LRP2: variants seen among roughly 807,000 people sequenced by gnomAD.
LRP2 encodes the protein low-density lipoprotein receptor-related protein 2.
Under a neutral mutation model 531.0 loss-of-function variants are expected in LRP2, and 172 were observed. That is an observed-to-expected ratio of 0.32 (90% confidence interval 0.29 to 0.37). The LOEUF (loss-of-function observed/expected upper bound fraction) is 0.37, where lower values mean the gene tolerates loss of function less well. LRP2 is among the 10% of genes least tolerant of loss of function. The probability of loss-of-function intolerance (pLI) is 1.00; values close to 1 mark genes in which losing one functional copy is unlikely to be tolerated. For missense variants in LRP2, 5,167 were observed against 5,868.3 expected (o/e 0.88, Z 3.90); for synonymous variants, 1,992 against 2,027.6 (o/e 0.98, Z 0.47).
chr2:169,205,544 C>A lies in LRP2; in HGVS notation c.7650G>T (p.Leu2550=). The A allele has an allele frequency of 6.2e-7, 1 of 1,614,116 alleles. No homozygotes were observed. Among genetic ancestry groups the A allele is most frequent in the Non-Finnish European group, 8.5e-7 (1 of 1,179,992 alleles). The stretch of plus-strand genomic sequence containing the variant: ...CCAGAGTCAGCCCACTGGGCATGAC[C>A]AGACTGCTGTTCACAATGGGTACGC... ...NFRVPIVNSS[L]VMPSGLTLDY... Residue 2550 remains leucine, a synonymous_variant, in exon 41 of 79, where the codon CTG becomes CTT. Transcript: ENST00000649046.
chr2:169,234,332 T>A (rs1400360220), intron 29 of LRP2, among the ~76,000 whole-genome samples: 1 of 152,122 alleles, frequency 6.6e-6, no homozygotes, highest in Non-Finnish European at 1.5e-5. Flanking sequence ...GTGTGTGATG[T>A]TCCCCTCCCT....
intron 1 of LRP2, among the ~76,000 whole-genome samples, chr2:169,339,969 T>C (rs1337966385): frequency 2.6e-5 from 4 of 152,214 alleles, no homozygotes; most frequent in African/African-American, 9.6e-5. Flanking sequence ...GATACATCTA[T>C]ATGGTATGCA....
At chr2:169,259,896 C>T (rs1559043884) in intron 16 of LRP2, among the ~76,000 whole-genome samples, 1 of 151,966 alleles carries the variant, frequency 6.6e-6, no homozygotes, top group African/African-American at 2.4e-5. Flanking sequence ...TACTTTTTCT[C>T]TTCATTTATT....
chr2:169,242,578 C>T (rs1398002783), intron 24 of LRP2, among the ~76,000 whole-genome samples: 2 of 152,150 alleles, frequency 1.3e-5, no homozygotes, highest in African/African-American at 4.8e-5. Context: ...CATTTCTACA[C>T]CATGATATGA....
intron 10 of LRP2, among the ~76,000 whole-genome samples, chr2:169,281,589 G>A (rs962647843): frequency 6.6e-6 from 1 of 151,628 alleles, no homozygotes; most frequent in Non-Finnish European, 1.5e-5. Context: ...TGTGGTGGCA[G>A]AAGCCTGTAG....
Position 169,197,101 on chromosome 2 carries a change from C to T in LRP2, c.8579-71G>A. ...TGTTCCCATCAGTCTTAACAATCTGCCTCTATCTCTGAGCTAGATAATAGT... is the reference window on the plus strand; with the variant it reads ...TGTTCCCATCAGTCTTAACAATCTGTCTCTATCTCTGAGCTAGATAATAGT... On this transcript the variant is annotated intron_variant, in intron 45 of 78. Coordinates refer to ENST00000649046, the MANE Select transcript of LRP2 (RefSeq NM_004525.3). 8.9e-6 allele frequency: 14 copies of T among 1,572,052 alleles called. No individual in the cohort carries two copies. The South Asian group carries it at 1.3e-4, about 15-fold the overall frequency.
intron 1 of LRP2, among the ~76,000 whole-genome samples, chr2:169,333,992 C>T (rs1685335932): frequency 1.3e-5 from 2 of 152,206 alleles, no homozygotes; most frequent in South Asian, 4.1e-4. Flanking sequence ...TTGTCACCAA[C>T]TGATACCCAC....
chr2:169,321,366 G>A (rs1020279517), intron 1 of LRP2, among the ~76,000 whole-genome samples: 1 of 151,760 alleles, frequency 6.6e-6, no homozygotes, highest in African/African-American at 2.4e-5. Flanking sequence ...CTTAAAAAAT[G>A]GTTATGGAGA....
At chr2:169,203,498 C>T (rs1260502755) in intron 42 of LRP2, among the ~76,000 whole-genome samples, 1 of 152,190 alleles carries the variant, frequency 6.6e-6, no homozygotes, top group Non-Finnish European at 1.5e-5. Context: ...CTGTGGCTCA[C>T]GCCTGTAATC....
chr2:169,291,281 T>C (rs1179890202), intron 7 of LRP2, among the ~76,000 whole-genome samples: 1 of 152,166 alleles, frequency 6.6e-6, no homozygotes, highest in Non-Finnish European at 1.5e-5. Flanking sequence ...CAAACTAAAT[T>C]CATGATCCCC....
At chr2:169,184,592 T>C (rs1687560119) in intron 50 of LRP2, among the ~76,000 whole-genome samples, 1 of 152,208 alleles carries the variant, frequency 6.6e-6, no homozygotes, top group African/African-American at 2.4e-5. Flanking sequence ...AATAGAGATG[T>C]TAAGAAGTGT....
intron 10 of LRP2, among the ~76,000 whole-genome samples, chr2:169,280,943 G>A (rs966218853): frequency 2.0e-5 from 3 of 152,154 alleles, no homozygotes; most frequent in Non-Finnish European, 4.4e-5. Flanking sequence ...TGAAAAAGAT[G>A]GTAATGGTGG....
At chr2:169,263,216 A>G (rs1194673863) in intron 16 of LRP2, among the ~76,000 whole-genome samples, 1 of 152,200 alleles carries the variant, frequency 6.6e-6, no homozygotes, top group African/African-American at 2.4e-5. Flanking sequence ...CACCAAAAGC[A>G]ATGGCAACAA....
At chr2:169,214,003 C>G (rs1271261496) in intron 35 of LRP2, 133 bp from the exon 36 acceptor site, 2 of 696,894 alleles carry the variant, frequency 2.9e-6, no homozygotes, top group African/African-American at 3.6e-5. Flanking sequence ...TTTTTCACTT[C>G]TATTTTCTGA....
Position 169,277,903 on chromosome 2 carries a change from C to T in LRP2, c.1614G>A (p.Leu538=). Residue 538 remains leucine (L), a synonymous_variant, in exon 13 of 79, where the codon CTG becomes CTA. Coordinates refer to ENST00000649046, the MANE Select transcript of LRP2 (RefSeq NM_004525.3). ...DWESLSGEPK[L]ERAFMDGSNR... ...TGCTGCCATCCATGAATGCCCTTTC[C>T]AGCTTAGGTTCCCCAGAAAGGCTCT... 1.9e-6 allele frequency: 3 copies of T among 1,614,020 alleles called. No homozygotes were observed. The highest frequency in any genetic ancestry group is 1.7e-6 in the Non-Finnish European group (2 of 1,179,972).
rs563148343 is a variant in LRP2 at position 169,362,385 on chromosome 2, C to G, written c.15G>C (p.Pro5=). 15 of 1,565,734 alleles carry G rather than the reference C, an allele frequency of 9.6e-6. No individual in the cohort carries two copies. The East Asian group carries it at 3.6e-4, about 37-fold the overall frequency. The part of the protein sequence containing the change: MDRG[P]AAVACTLLLA... The stretch of plus-strand genomic sequence containing the variant: ...GGAGCAGCGTGCACGCCACTGCTGC[C>G]GGCCCGCGATCCATCTCCGCGACGG... The change falls in exon 1 of 79, where the codon CCG becomes CCC. Residue 5 remains proline (P), a synonymous_variant. Transcript: ENST00000649046.
chr2:169,321,111 T>A (rs1473413803), intron 1 of LRP2, among the ~76,000 whole-genome samples: 1 of 152,234 alleles, frequency 6.6e-6, no homozygotes, highest in Non-Finnish European at 1.5e-5. Context: ...TGTATCTTGA[T>A]GGAACTCATT....
At position 169,206,450 on chromosome 2, in the gene LRP2, G is replaced by T; in HGVS notation, c.7270C>A (p.Leu2424Ile). The change falls in exon 39 of 79, where the codon CTA becomes ATA. Residue 2424 changes from leucine to isoleucine, a missense_variant. By Grantham distance (5) the Leu-to-Ile change is conservative. Coordinates refer to ENST00000649046, the MANE Select transcript of LRP2 (RefSeq NM_004525.3). ...TINVERTVMS[L>I]DYDSVSDRIY... ...CTATCACTTACACTGTCATAGTCTA[G>T]AGACATGACAGTTCTTTCCACATTT... 1 of 1,613,814 alleles carries T rather than the reference G, an allele frequency of 6.2e-7. No individual in the cohort carries two copies. The highest frequency in any genetic ancestry group is 8.5e-7 in the Non-Finnish European group (1 of 1,179,692).
At chr2:169,237,325 A>C (rs1689643313) in intron 27 of LRP2, 38 bp from the exon 28 acceptor site, 1 of 1,397,902 alleles carries the variant, frequency 7.2e-7, no homozygotes. Context: ...ATTCTAGAGC[A>C]AATAAATGAA....
Sources: gnomAD v4.1 joint callset for allele counts (sites outside exome capture counted in the v4.1 genomes callset) on GRCh38, gnomAD v4.1.1 for gene constraint, MANE v1.5 for transcripts, NCBI Gene and HGNC (gene_info 2026-07-23, HGNC 2026-07-21) for gene names.